The following LIPA variants were observed in gnomAD, a reference collection of about 807,000 sequenced individuals.
The protein encoded by LIPA is lipase A, lysosomal acid type.
LIPA carries 26 observed loss-of-function variants against 40.6 expected under a neutral mutation model. The ratio of observed to expected loss-of-function variants is 0.64; its 90% confidence interval spans 0.47 to 0.89. The LOEUF is 0.89. LIPA is among the 40% of genes least tolerant of loss of function. The pLI, the probability that LIPA is intolerant of heterozygous loss-of-function variation, is 0.00. For synonymous variants in LIPA, 188 were observed against 168.4 expected, an observed-to-expected ratio of 1.12 and a Z score of -0.90; for missense variants, 455 against 479.6, an observed-to-expected ratio of 0.95 and a Z score of 0.48.
At chr10:89,256,808 A>G (rs1215016500) in intron 1 of LIPA, among the ~76,000 whole-genome samples, 2 of 152,234 alleles carry the variant, frequency 1.3e-5, no homozygotes, top group Admixed American at 1.3e-4. Flanking sequence ...TGAAAATATA[A>G]CCACGAGGTT....
chr10:89,390,089 C>T, intron 2 of LIPA, among the ~76,000 whole-genome samples: 1 of 148,646 alleles, frequency 6.7e-6, no homozygotes, highest in Non-Finnish European at 1.5e-5. Flanking sequence ...CGGGTTCAAG[C>T]GATTCTCCTG....
At chr10:89,362,874 G>A (rs145461373) in intron 2 of LIPA, 11 of 300,852 alleles carry the variant, frequency 3.7e-5, no homozygotes, top group Admixed American at 2.8e-4. Flanking sequence ...TTGCCTGGAC[G>A]GTTTTAACAC....
intron 2 of LIPA, chr10:89,403,506 G>T: frequency 1.2e-6 from 2 of 1,612,716 alleles, no homozygotes; most frequent in South Asian, 1.1e-5. Flanking sequence ...AATAGAACAG[G>T]CATCATTAAC....
chr10:89,410,499 G>T (rs1465275300), intron 2 of LIPA, among the ~76,000 whole-genome samples: 1 of 152,216 alleles, frequency 6.6e-6, no homozygotes, highest in African/African-American at 2.4e-5. Flanking sequence ...TATGGAGAAT[G>T]GGATACAAAG....
At chr10:89,315,381 G>A (rs1345262860) in intron 1 of LIPA, among the ~76,000 whole-genome samples, 1 of 152,216 alleles carries the variant, frequency 6.6e-6, no homozygotes, top group East Asian at 1.9e-4. Context: ...CTCTGAACTC[G>A]AAGTATCTCA....
At chr10:89,363,020 C>T (rs553669714) in intron 2 of LIPA, 7 of 246,046 alleles carry the variant, frequency 2.8e-5, no homozygotes, top group African/African-American at 1.4e-4. Context: ...GAGAAAAGCA[C>T]ACTGAAAAAG....
At chr10:89,332,875 G>C (rs1843671280) in intron 1 of LIPA, among the ~76,000 whole-genome samples, 1 of 152,232 alleles carries the variant, frequency 6.6e-6, no homozygotes, top group Non-Finnish European at 1.5e-5. Flanking sequence ...AGATCCTAGA[G>C]AGCCCATGCT....
chr10:89,267,747 CTT>C (rs1325349503), intron 1 of LIPA, among the ~76,000 whole-genome samples: 2 of 137,062 alleles, frequency 1.5e-5, no homozygotes, highest in East Asian at 2.1e-4. Flanking sequence ...AAAAAAGAAA[CTT>C]AAAAAAAAAA....
Position 89,245,859 on chromosome 10 carries a change from G to A in LIPA, c.112-66C>T, listed in dbSNP as rs1431463899. The A allele has an allele frequency of 2.0e-5, 17 of 833,576 alleles. 1 individual carries two copies. The highest frequency in any genetic ancestry group is 7.9e-5 in the South Asian group (6 of 75,574). 51.6% of individuals were successfully genotyped at this position (833,576 alleles called of 1,614,324 possible). A position where few individuals can be genotyped will look rare whatever the true frequency, so the allele number is the denominator to read the frequency against. ...CTGAAACAGTCTCCCACATTAACAAGCAAAGGAGCAGATAAACTATGTTCT... is the reference window on the plus strand; with the variant it reads ...CTGAAACAGTCTCCCACATTAACAAACAAAGGAGCAGATAAACTATGTTCT... On this transcript the variant is annotated intron_variant, in intron 2 of 9. Coordinates refer to ENST00000336233, the MANE Select transcript of LIPA (RefSeq NM_000235.4).
chr10:89,243,666 G>A (rs890009931), intron 3 of LIPA, among the ~76,000 whole-genome samples: 3 of 151,706 alleles, frequency 2.0e-5, no homozygotes, highest in African/African-American at 7.3e-5. Context: ...GGTCCCATAA[G>A]TCTCCTTTCT....
chr10:89,284,485 GA>G (rs1219331490), intron 1 of LIPA: 1 of 152,110 alleles, frequency 6.6e-6, no homozygotes, highest in Non-Finnish European at 1.5e-5. Context: ...ACCTCAAAAA[GA>G]TCTCCCTTTG....
intron 1 of LIPA, chr10:89,308,926 C>T (rs1437494000): frequency 6.6e-6 from 1 of 152,126 alleles, no homozygotes; most frequent in Non-Finnish European, 1.5e-5. Context: ...AAACATAAAG[C>T]AGTGTTCTGG....
At chr10:89,219,272 C>T (rs1002256879) in intron 8 of LIPA, among the ~76,000 whole-genome samples, 9 of 152,118 alleles carry the variant, frequency 5.9e-5, no homozygotes, top group Admixed American at 6.5e-5. Context: ...AGGTCTCAGA[C>T]AGGCCCAAGA....
intron 1 of LIPA, among the ~76,000 whole-genome samples, chr10:89,266,328 T>G (rs902969988): frequency 2.8e-5 from 2 of 71,706 alleles, no homozygotes; most frequent in African/African-American, 2.5e-4. Flanking sequence ...TGTGTATTGG[T>G]AGCATATAAA....
At chr10:89,340,005 TTCAGGCATAGGCAGTATTTTCCTG>T in intron 1 of LIPA, 1 of 1,614,234 alleles carries the variant, frequency 6.2e-7, no homozygotes. Flanking sequence ...GGGATGCCCC[TTCAGGCATAGGCAGTATTTTCCTG>T]TCAGCATCTG....
At chr10:89,365,228 A>G (rs547590965) in intron 2 of LIPA, among the ~76,000 whole-genome samples, 1 of 152,302 alleles carries the variant, frequency 6.6e-6, no homozygotes, top group East Asian at 1.9e-4. Flanking sequence ...TCCTTACCTA[A>G]TACCACTACA....
intron 1 of LIPA, chr10:89,314,798 G>A (rs1377829552): frequency 2.0e-5 from 3 of 152,182 alleles, no homozygotes; most frequent in Non-Finnish European, 4.4e-5. Flanking sequence ...AGAAAAGCAA[G>A]AAAATGGACA....
chr10:89,351,077 A>G (rs575524947), intron 2 of LIPA, among the ~76,000 whole-genome samples: 1 of 152,320 alleles, frequency 6.6e-6, no homozygotes, highest in Middle Eastern at 3.4e-3. Flanking sequence ...GAACTTTGGG[A>G]GGCTGAAGTG....
At chr10:89,237,553 T>G (rs1012423018) in intron 3 of LIPA, among the ~76,000 whole-genome samples, 1 of 152,200 alleles carries the variant, frequency 6.6e-6, no homozygotes, top group Non-Finnish European at 1.5e-5. Context: ...CTAACTCTAC[T>G]GTTCTGTGCA....
Sources: allele counts gnomAD v4.1 joint callset (sites outside exome capture counted in the v4.1 genomes callset), GRCh38; gene constraint gnomAD v4.1.1; transcripts MANE v1.5; gene names NCBI Gene and HGNC (gene_info 2026-07-23, HGNC 2026-07-21).